VPS35L: variants seen among roughly 807,000 people sequenced by gnomAD.
VPS35L encodes VPS35 endosomal protein sorting factor like, also known as VPS35 endosomal protein-sorting factor-like.
VPS35L carries 83 observed loss-of-function variants against 133.0 expected under a neutral mutation model. That is an observed-to-expected ratio of 0.62 (90% confidence interval 0.52 to 0.75). The LOEUF (loss-of-function observed/expected upper bound fraction) is 0.75. VPS35L is among the 30% of genes least tolerant of loss of function. The pLI, the probability that VPS35L is intolerant of heterozygous loss-of-function variation, is 0.00. For missense variants in VPS35L, 1,083 were observed against 1,206.8 expected, an observed-to-expected ratio of 0.90 and a Z score of 1.52; for synonymous variants, 423 against 449.9, an observed-to-expected ratio of 0.94 and a Z score of 0.76.
At chr16:19,620,503 A>G (rs778243144) in intron 14 of VPS35L, among the ~76,000 whole-genome samples, 2 of 152,128 alleles carry the variant, frequency 1.3e-5, no homozygotes, top group Non-Finnish European at 2.9e-5. Context: ...ATTACTGACG[A>G]GTCTATAATT....
chr16:19,642,438 C>G lies in VPS35L; in HGVS notation c.1827C>G (p.Ala609=). ...EPTKDPVILN[A]LLHVCKTMHD... Reference sequence around the variant, plus strand: ...CCAAGGACCCGGTCATCTTGAATGCCCTTTTGCATGTTTGCAAGACCATGC... The same window carrying G: ...CCAAGGACCCGGTCATCTTGAATGCGCTTTTGCATGTTTGCAAGACCATGC... The change falls in exon 22 of 31, where the codon GCC becomes GCG. Residue 609 remains alanine, a synonymous_variant. Transcript: ENST00000417362. 6.2e-7 allele frequency: 1 copy of G among 1,613,774 alleles called. No homozygotes were observed. The highest frequency in any genetic ancestry group is 8.5e-7 in the Non-Finnish European group (1 of 1,179,788).
intron 3 of VPS35L, among the ~76,000 whole-genome samples, chr16:19,572,067 A>G (rs1448773197): frequency 6.6e-6 from 1 of 152,098 alleles, no homozygotes; most frequent in African/African-American, 2.4e-5. Flanking sequence ...TGTGTCTCGA[A>G]CACACACACA....
intron 26 of VPS35L, among the ~76,000 whole-genome samples, chr16:19,662,952 G>A (rs1285403561): frequency 6.6e-6 from 1 of 151,456 alleles, no homozygotes; most frequent in Non-Finnish European, 1.5e-5. Flanking sequence ...TTGTACCACT[G>A]CACTTCAACC....
chr16:19,679,157 G>C (rs1472864615), intron 27 of VPS35L, among the ~76,000 whole-genome samples: 1 of 141,890 alleles, frequency 7.0e-6, no homozygotes, highest in Non-Finnish European at 1.5e-5. Context: ...GTGGGGAGGC[G>C]GGGGGGCGGG....
At chr16:19,568,199 C>T (rs767156375) in intron 2 of VPS35L, among the ~76,000 whole-genome samples, 4 of 152,046 alleles carry the variant, frequency 2.6e-5, no homozygotes, top group Non-Finnish European at 2.9e-5. Flanking sequence ...TGAAGAGCTA[C>T]GTAGGGTGAG....
At chr16:19,684,348 A>G (rs1025211973) in intron 28 of VPS35L, among the ~76,000 whole-genome samples, 2 of 152,200 alleles carry the variant, frequency 1.3e-5, no homozygotes, top group Admixed American at 6.5e-5. Flanking sequence ...CAGTAATTGT[A>G]TACTTTACAG....
In VPS35L at chr16:19,633,228, TAA is replaced by T. The variant is rs1343431040; in HGVS notation, c.1635+58_1635+59del. Reference sequence around the variant, plus strand: ...TGTTAGGAATTTTGTTCTGTTGAATTAAATAGGCGTGTTGTATGGGTCAGGCT... The same window carrying T: ...TGTTAGGAATTTTGTTCTGTTGAATTATAGGCGTGTTGTATGGGTCAGGCT... On this transcript the variant is annotated intron_variant, in intron 19 of 30. Coordinates refer to ENST00000417362, the MANE Select transcript of VPS35L (RefSeq NM_020314.7). This position sits in a 1 kb window ranked among gnomAD's most constrained non-coding sequence, Gnocchi z 4.1. 9 of 1,482,014 alleles carry T rather than the reference TAA, an allele frequency of 6.1e-6. No individual in the cohort carries two copies. Among genetic ancestry groups the T allele is most frequent in the Admixed American group, 3.3e-5 (2 of 59,814 alleles). 91.8% of individuals were successfully genotyped at this position (1,482,014 alleles called of 1,614,324 possible). A position where few individuals can be genotyped will look rare whatever the true frequency, so the allele number is the denominator to read the frequency against.
intron 8 of VPS35L, 104 bp from the exon 9 acceptor site, chr16:19,601,560 C>T (rs1972384345): frequency 8.9e-7 from 1 of 1,123,228 alleles, no homozygotes; most frequent in African/African-American, 1.6e-5. Context: ...CAAGTTAAAG[C>T]CTGTCTGGGC....
intron 27 of VPS35L, among the ~76,000 whole-genome samples, chr16:19,678,771 C>T (rs1326941850): frequency 6.6e-6 from 1 of 151,962 alleles, no homozygotes; most frequent in Non-Finnish European, 1.5e-5. Context: ...AGCCACCACA[C>T]CCAGCCCATC....
At chr16:19,636,622 G>A (rs1251943009) in intron 19 of VPS35L, among the ~76,000 whole-genome samples, 1 of 152,188 alleles carries the variant, frequency 6.6e-6, no homozygotes, top group Non-Finnish European at 1.5e-5. Flanking sequence ...GCCTAATTAT[G>A]AAATGGGCAC....
intron 29 of VPS35L, among the ~76,000 whole-genome samples, chr16:19,697,288 AAG>A (rs1275792878): frequency 1.3e-5 from 2 of 152,116 alleles, no homozygotes; most frequent in African/African-American, 4.8e-5. Flanking sequence ...GGAGGTGCCG[AAG>A]AGTCTTAATT....
chr16:19,581,323 C>A (rs1971701631), intron 6 of VPS35L, among the ~76,000 whole-genome samples: 1 of 152,082 alleles, frequency 6.6e-6, no homozygotes, highest in Admixed American at 6.6e-5. Context: ...AGACTTTCAA[C>A]CCACAGCACT....
rs757733035 is a variant in VPS35L at position 19,591,816 on chromosome 16, T to C, written c.666T>C (p.Ser222=). The part of the protein sequence containing the change: ...IQCSKLLSDT[S]VIQFYPSKFV... The stretch of plus-strand genomic sequence containing the variant: ...GTTCAAAGCTTCTTTCAGACACCAG[T>C]GTTATTCAGTTCTACCCAAGCAAAT... Residue 222 remains serine, a synonymous_variant, in exon 8 of 31, where the codon AGT becomes AGC. Coordinates refer to ENST00000417362, the MANE Select transcript of VPS35L (RefSeq NM_020314.7). 11 of 1,613,002 alleles carry C rather than the reference T, an allele frequency of 6.8e-6. No homozygotes were observed. Among genetic ancestry groups the C allele is most frequent in the African/African-American group, 6.7e-5 (5 of 74,854 alleles).
chr16:19,685,291 C>T (rs1239590157), intron 28 of VPS35L, among the ~76,000 whole-genome samples: 1 of 152,194 alleles, frequency 6.6e-6, no homozygotes, highest in Non-Finnish European at 1.5e-5. Context: ...TAAATATTTG[C>T]AAGCATTCTT....
intron 9 of VPS35L, among the ~76,000 whole-genome samples, chr16:19,604,754 C>A (rs917912820): frequency 1.3e-5 from 2 of 152,150 alleles, no homozygotes; most frequent in African/African-American, 4.8e-5. Context: ...AAATCAAGTT[C>A]TGTTGGGTGA....
intron 26 of VPS35L, among the ~76,000 whole-genome samples, chr16:19,665,594 G>T (rs1016671848): frequency 3.9e-5 from 6 of 152,210 alleles, no homozygotes; most frequent in African/African-American, 1.2e-4. Flanking sequence ...CGGACACTTA[G>T]ATTGCTTCCA....
chr16:19,635,345 C>A (rs1973591204), intron 19 of VPS35L, among the ~76,000 whole-genome samples: 1 of 151,984 alleles, frequency 6.6e-6, no homozygotes, highest in African/African-American at 2.4e-5. Context: ...GAGATCCTGT[C>A]TCTAATTGAA....
At chr16:19,556,299 T>G (rs1970853213) in intron 1 of VPS35L, among the ~76,000 whole-genome samples, 1 of 152,016 alleles carries the variant, frequency 6.6e-6, no homozygotes, top group Non-Finnish European at 1.5e-5. Flanking sequence ...AAGAAGGCAT[T>G]CGGATGAGGC....
At position 19,627,769 on chromosome 16, in the gene VPS35L, C is replaced by G. The variant is rs1973314490; in HGVS notation, c.1347C>G (p.Gly449=). The change falls in exon 16 of 31, where the codon GGC becomes GGG. Residue 449 remains glycine (G), a synonymous_variant. Coordinates refer to ENST00000417362, the MANE Select transcript of VPS35L (RefSeq NM_020314.7). The part of the protein sequence containing the change: ...FIATRSMDFI[G]MIKECDESGF... ...CCACAAGGTCTATGGATTTCATTGG[C>G]ATGATTAAAGAGTGTGATGAATCTG... The G allele has an allele frequency of 6.2e-7, 1 of 1,613,738 alleles. No individual in the cohort carries two copies. Among genetic ancestry groups the G allele is most frequent in the African/African-American group, 1.3e-5 (1 of 75,022 alleles).
Sources: gnomAD v4.1 joint callset for allele counts (sites outside exome capture counted in the v4.1 genomes callset) on GRCh38, gnomAD v4.1.1 for gene constraint, Gnocchi (gnomAD v3.1) non-coding constraint, MANE v1.5 for transcripts, NCBI Gene and HGNC (gene_info 2026-07-23, HGNC 2026-07-21) for gene names.